Variants in DGKH observed in about 807,000 individuals in gnomAD.
The protein encoded by DGKH is diacylglycerol kinase eta.
In DGKH, 90 loss-of-function variants were observed where a neutral mutation model predicts 159.3. That is an observed-to-expected ratio of 0.57 (90% CI 0.48 to 0.67). The LOEUF is 0.67. Ranked by LOEUF, DGKH falls within the 30% of genes least tolerant of loss-of-function variation. The pLI, the probability that DGKH is intolerant of heterozygous loss-of-function variation, is 0.00. For synonymous variants in DGKH, 536 were observed against 553.8 expected (o/e 0.97, Z 0.45); for missense variants, 1,181 against 1,506.1 (o/e 0.78, Z 3.57).
rs763064310 is a variant in DGKH, at chr13:42,159,279, G to C, written c.636G>C (p.Lys212Asn). 2.3e-6 allele frequency: 1 copy of C among 434,666 alleles called. No homozygotes were observed. The highest frequency in any genetic ancestry group is 4.2e-6 in the Non-Finnish European group (1 of 239,254). 26.9% of individuals were successfully genotyped at this position (434,666 alleles called of 1,614,324 possible). A position where few individuals can be genotyped will look rare whatever the true frequency, so the allele number is the denominator to read the frequency against. Residue 212 changes from lysine (K) to asparagine (N), a missense_variant, in exon 6 of 30, where the codon AAG (lysine) becomes AAC (asparagine). By Grantham distance (94) the Lys-to-Asn change is moderately conservative (BLOSUM62 0). Transcript: ENST00000337343. ...TTTTTTTTTTAGTGTGTAAATTCAA[G>C]GCTCACAAAAGATGTGCAGTGAGAG... ...HGLSCEVCKFKAHKRCAVRAT... is the reference protein window; with the variant it reads ...HGLSCEVCKFNAHKRCAVRAT...
At chr13:42,074,123 A>T (rs1204774937) in intron 1 of DGKH, among the ~76,000 whole-genome samples, 1 of 152,220 alleles carries the variant, frequency 6.6e-6, no homozygotes, top group African/African-American at 2.4e-5. Flanking sequence ...ATAAAATTAG[A>T]GTCATTATTG....
At chr13:42,211,536 A>G (rs559540956) in intron 24 of DGKH, among the ~76,000 whole-genome samples, 1 of 152,160 alleles carries the variant, frequency 6.6e-6, no homozygotes, top group East Asian at 1.9e-4. Context: ...CGTCTCTACT[A>G]AAAATACAAA....
At chr13:42,180,084 C>T (rs1956713094) in intron 13 of DGKH, among the ~76,000 whole-genome samples, 2 of 152,230 alleles carry the variant, frequency 1.3e-5, no homozygotes, top group South Asian at 2.1e-4. Flanking sequence ...TCTCTTATGA[C>T]TTGCTATACC....
chr13:42,133,614 T>C (rs528196832), intron 3 of DGKH, among the ~76,000 whole-genome samples: 73 of 152,266 alleles, frequency 4.8e-4, no homozygotes, highest in Middle Eastern at 3.4e-3. Flanking sequence ...GAGGATCGCT[T>C]GAGCTCTGGA....
chr13:42,041,492 G>A (rs1029612383), intron 1 of DGKH, among the ~76,000 whole-genome samples: 7 of 152,240 alleles, frequency 4.6e-5, no homozygotes, highest in African/African-American at 1.7e-4. Context: ...TTTCGCCTGG[G>A]ATTTCGCTGC....
At chr13:42,079,267 CAA>C (rs902844302) in intron 1 of DGKH, among the ~76,000 whole-genome samples, 2 of 151,894 alleles carry the variant, frequency 1.3e-5, no homozygotes, top group African/African-American at 2.4e-5. Context: ...AGTATATGCA[CAA>C]AGTTATTTGT....
intron 21 of DGKH, among the ~76,000 whole-genome samples, chr13:42,208,590 T>C (rs780142880): frequency 3.3e-5 from 5 of 151,664 alleles, no homozygotes; most frequent in Non-Finnish European, 7.4e-5. Context: ...GCCTTTGTAG[T>C]TTTTTTTAGA....
chr13:42,192,597 CTCT>C (rs72081789), intron 16 of DGKH, among the ~76,000 whole-genome samples: 72,616 of 147,746 alleles, frequency 0.49, 18,532 homozygotes, highest in Non-Finnish European at 0.57. Context: ...TTTCCTCTTC[CTCT>C]TCTTCTTCTT....
At chr13:42,047,302 T>C (rs574164668), upstream of DGKH, among the ~76,000 whole-genome samples, 324 of 152,288 alleles carry the variant, frequency 2.1e-3, 1 homozygote, top group African/African-American at 7.5e-3. Flanking sequence ...TATATCAAAT[T>C]TCTTGTTGGG....
At chr13:42,203,607 G>A (rs1957395803) in intron 20 of DGKH, among the ~76,000 whole-genome samples, 1 of 152,160 alleles carries the variant, frequency 6.6e-6, no homozygotes, top group South Asian at 2.1e-4. Context: ...AAACACTAAT[G>A]AGAAATATAT....
rs757309834 is a variant in DGKH at position 42,160,098 on chromosome 13, C to T, written c.817C>T (p.Arg273Cys). The part of the protein sequence containing the change: ...VCDKTCGSVL[R>C]LQDWKCLWCK... ...CGACAAAACATGTGGCAGTGTTCTC[C>T]GTCTACAGGATTGGAAATGCCTTTG... Residue 273 changes from arginine (R) to cysteine (C), a missense_variant, in exon 7 of 30, where the codon CGT (arginine) becomes TGT (cysteine). Around this residue, in one of 5 missense-constraint regions of DGKH, gnomAD observed 369 missense variants for 519.4 expected, o/e 0.71. Coordinates refer to ENST00000337343, the MANE Select transcript of DGKH (RefSeq NM_178009.5). The T allele has an allele frequency of 1.2e-5, 19 of 1,614,204 alleles. No homozygotes were observed. The highest frequency in any genetic ancestry group is 1.5e-5 in the Non-Finnish European group (18 of 1,180,028).
chr13:42,109,662 G>A (rs892396402), intron 1 of DGKH, among the ~76,000 whole-genome samples: 1 of 87,750 alleles, frequency 1.1e-5, no homozygotes, highest in African/African-American at 6.3e-5. Context: ...CTGTGCGTGC[G>A]TGTGTGTGCG....
chr13:42,065,111 T>C (rs1882466657), intron 1 of DGKH, among the ~76,000 whole-genome samples: 1 of 152,206 alleles, frequency 6.6e-6, no homozygotes, highest in Non-Finnish European at 1.5e-5. Context: ...AAGGGCACTT[T>C]TTCCAATAGG....
At chr13:42,216,804 C>A (rs1030393596) in intron 26 of DGKH, 4 of 152,136 alleles carry the variant, frequency 2.6e-5, no homozygotes, top group African/African-American at 9.7e-5. Flanking sequence ...CCAGTGGAGC[C>A]CCTTCTTGGC....
At chr13:42,104,113 G>A (rs571243540) in intron 1 of DGKH, among the ~76,000 whole-genome samples, 6 of 152,298 alleles carry the variant, frequency 3.9e-5, no homozygotes, top group Admixed American at 3.3e-4. Flanking sequence ...GAGTTGTAAA[G>A]TTGTAATAAC....
At chr13:42,189,664 A>G (rs1252023700) in intron 15 of DGKH, among the ~76,000 whole-genome samples, 1 of 152,144 alleles carries the variant, frequency 6.6e-6, no homozygotes, top group Non-Finnish European at 1.5e-5. Flanking sequence ...TACTTTGAAA[A>G]TATAGAAAAA....
At position 42,210,894 on chromosome 13, in the gene DGKH, A is replaced by T. The variant is rs932706686; in HGVS notation, c.3014+129A>T. 19 of 748,844 alleles carry T rather than the reference A, an allele frequency of 2.5e-5. No individual in the cohort carries two copies. In the Admixed American group the frequency reaches 3.1e-4, roughly 12 times the overall value. 46.4% of individuals were successfully genotyped at this position (748,844 alleles called of 1,614,324 possible). On this transcript the variant is annotated intron_variant, in intron 24 of 29. Coordinates refer to ENST00000337343, the MANE Select transcript of DGKH (RefSeq NM_178009.5). ...ATGCAATTACTCTTCTTCACACAGC[A>T]CTCTTTCCATTATTGTTTATTTCTC...
intron 1 of DGKH, among the ~76,000 whole-genome samples, chr13:42,104,449 C>T (rs1954709910): frequency 6.6e-6 from 1 of 152,228 alleles, no homozygotes; most frequent in Admixed American, 6.5e-5. Flanking sequence ...GACATGGGGG[C>T]TTCAAACTTC....
intron 1 of DGKH, among the ~76,000 whole-genome samples, chr13:42,058,512 G>A (rs1243844342): frequency 1.3e-5 from 2 of 152,182 alleles, no homozygotes; most frequent in Non-Finnish European, 2.9e-5. Flanking sequence ...GTGAGCCAGC[G>A]GCATAGAATA....
Sources: gnomAD v4.1 joint callset for allele counts (sites outside exome capture counted in the v4.1 genomes callset) on GRCh38, gnomAD v4.1.1 for gene constraint, gnomAD v4.1.1 regional missense constraint, MANE v1.5 for transcripts, NCBI Gene and HGNC (gene_info 2026-07-23, HGNC 2026-07-21) for gene names.